The following DYNC2H1 variants were observed in gnomAD, a reference collection of about 807,000 sequenced individuals.
DYNC2H1 encodes cytoplasmic dynein 2 heavy chain 1.
Under a neutral mutation model 570.0 loss-of-function variants are expected in DYNC2H1, and 410 were observed. That is an observed-to-expected ratio of 0.72 (90% CI 0.66 to 0.78). DYNC2H1 has a LOEUF of 0.78. DYNC2H1 is among the 30% of genes least tolerant of loss of function. The pLI, the probability that DYNC2H1 is intolerant of heterozygous loss-of-function variation, is 0.00. For missense variants in DYNC2H1, 4,865 were observed against 5,046.4 expected (o/e 0.96, Z 1.09); for synonymous variants, 1,688 against 1,677.6 (o/e 1.01, Z -0.15).
chr11:103,112,659 A>T (rs1331988719), intron 1 of DYNC2H1, among the ~76,000 whole-genome samples: 1 of 152,202 alleles, frequency 6.6e-6, no homozygotes, highest in African/African-American at 2.4e-5. Flanking sequence ...GCTCCTTTCC[A>T]GTGGCCAAAA....
intron 84 of DYNC2H1, among the ~76,000 whole-genome samples, chr11:103,415,114 T>C (rs1943234405): frequency 6.6e-6 from 1 of 152,200 alleles, no homozygotes; most frequent in African/African-American, 2.4e-5. Context: ...GCTAGCCATA[T>C]GTAGAAAGCT....
intron 83 of DYNC2H1, among the ~76,000 whole-genome samples, chr11:103,399,054 C>A (rs1436183628): frequency 6.6e-6 from 1 of 151,530 alleles, no homozygotes; most frequent in Non-Finnish European, 1.5e-5. Flanking sequence ...TTACGGGATG[C>A]CATTTTTTCT....
At chr11:103,293,827 A>G (rs903021282) in intron 75 of DYNC2H1, among the ~76,000 whole-genome samples, 1 of 152,204 alleles carries the variant, frequency 6.6e-6, no homozygotes, top group East Asian at 1.9e-4. Flanking sequence ...CTGTAATCTC[A>G]GCACTTTGGG....
intron 83 of DYNC2H1, among the ~76,000 whole-genome samples, chr11:103,364,602 T>G (rs554371462): frequency 3.0e-4 from 45 of 147,678 alleles, no homozygotes; most frequent in Non-Finnish European, 5.5e-4. Flanking sequence ...TCTTGTTGTT[T>G]TTTTTTTTTT....
chr11:103,460,117 T>G (rs1944961365), intron 87 of DYNC2H1, among the ~76,000 whole-genome samples: 1 of 152,054 alleles, frequency 6.6e-6, no homozygotes, highest in African/African-American at 2.4e-5. Context: ...GCTTCTTGAG[T>G]AGCTGGGATT....
chr11:103,385,973 A>G (rs969280926), intron 83 of DYNC2H1, among the ~76,000 whole-genome samples: 3 of 152,192 alleles, frequency 2.0e-5, no homozygotes, highest in African/African-American at 7.2e-5. Flanking sequence ...ACACTTAGTT[A>G]CTATGAGAGA....
Position 103,187,462 on chromosome 11 carries a change from G to A in DYNC2H1, c.7016G>A (p.Ser2339Asn). ...CTGAGCCAGACTTGCATGGTAATCA[G>A]TACTAATACTGGTCGTGTATACAGA... Reference protein sequence around the residue: ...QKLSQTCMVISTNTGRVYRPK... With the variant: ...QKLSQTCMVINTNTGRVYRPK... Residue 2339 changes from serine (S) to asparagine (N), a missense_variant, in exon 43 of 89, where the codon AGT becomes AAT. Transcript: ENST00000375735. 1 of 1,613,348 alleles carries A rather than the reference G, an allele frequency of 6.2e-7. No individual in the cohort carries two copies. Among genetic ancestry groups the A allele is most frequent in the Non-Finnish European group, 8.5e-7 (1 of 1,179,490 alleles).
At chr11:103,233,309 T>G (rs1055018372) in intron 60 of DYNC2H1, among the ~76,000 whole-genome samples, 10 of 149,104 alleles carry the variant, frequency 6.7e-5, no homozygotes, top group African/African-American at 2.2e-4. Context: ...TTTTTTTTGA[T>G]GCTTGGCACC....
chr11:103,235,767 G>A lies in DYNC2H1; in HGVS notation c.9663G>A (p.Leu3221=). The A allele has an allele frequency of 6.2e-7, 1 of 1,611,800 alleles. No homozygotes were observed. Among genetic ancestry groups the A allele is most frequent in the Non-Finnish European group, 8.5e-7 (1 of 1,178,566 alleles). The change falls in exon 62 of 89, where the codon CTG becomes CTA. Residue 3221 remains leucine (L), a synonymous_variant. Coordinates refer to ENST00000375735, the MANE Select transcript of DYNC2H1 (RefSeq NM_001377.3). ...ITYLSAAPES[L]RKTCLEEWTK... is the part of the protein sequence containing the mutation. ...ATCTTTCTGCTGCTCCTGAATCTCTGAGAAAAACCTGTTTGGAAGAATGGA... is the reference window on the plus strand; with the variant it reads ...ATCTTTCTGCTGCTCCTGAATCTCTAAGAAAAACCTGTTTGGAAGAATGGA...
chr11:103,194,850 T>C (rs1359512672), intron 47 of DYNC2H1, among the ~76,000 whole-genome samples: 1 of 152,172 alleles, frequency 6.6e-6, no homozygotes, highest in Non-Finnish European at 1.5e-5. Context: ...CCCGAGTAGC[T>C]GGGATTACAG....
At chr11:103,124,115 C>T (rs1000008609) in intron 11 of DYNC2H1, among the ~76,000 whole-genome samples, 2 of 152,028 alleles carry the variant, frequency 1.3e-5, no homozygotes, top group Non-Finnish European at 2.9e-5. Flanking sequence ...AAGTTACCTT[C>T]TAATACCTGC....
chr11:103,361,525 A>G (rs924054717), intron 83 of DYNC2H1, among the ~76,000 whole-genome samples: 4 of 152,216 alleles, frequency 2.6e-5, no homozygotes, highest in African/African-American at 9.6e-5. Flanking sequence ...GCAATGGGAA[A>G]CCATGGAAGT....
chr11:103,313,659 C>T (rs1027215522), intron 79 of DYNC2H1, among the ~76,000 whole-genome samples: 3 of 152,150 alleles, frequency 2.0e-5, no homozygotes, highest in Non-Finnish European at 4.4e-5. Context: ...CCCCCAAAAG[C>T]GTCAGTTGCC....
chr11:103,231,253 AT>A lies in DYNC2H1; in HGVS notation c.9354-3del. On this transcript the variant is annotated splice_polypyrimidine_tract_variant and splice_region_variant and intron_variant, in intron 59 of 88. Coordinates refer to ENST00000375735, the MANE Select transcript of DYNC2H1 (RefSeq NM_001377.3). Reference sequence around the variant, plus strand: ...AATGACTTGTATAATATTGAGTTATATTTTAGGAATCTGAAGAAAACTGAAG... The same window carrying A: ...AATGACTTGTATAATATTGAGTTATATTTAGGAATCTGAAGAAAACTGAAG... 6.4e-7 allele frequency: 1 copy of A among 1,569,314 alleles called. No individual in the cohort carries two copies. The highest frequency in any genetic ancestry group is 1.7e-4 in the Middle Eastern group (1 of 5,824).
At chr11:103,357,037 T>C (rs1016210094) in intron 82 of DYNC2H1, among the ~76,000 whole-genome samples, 2 of 152,114 alleles carry the variant, frequency 1.3e-5, no homozygotes, top group African/African-American at 2.4e-5. Context: ...AGACAAACAG[T>C]GAGATAGCAC....
At chr11:103,183,289 C>T (rs1407688538) in intron 40 of DYNC2H1, among the ~76,000 whole-genome samples, 2 of 151,806 alleles carry the variant, frequency 1.3e-5, no homozygotes, top group Non-Finnish European at 2.9e-5. Context: ...AATGCAGATA[C>T]TTTGAGGTAA....
chr11:103,136,036 C>A lies in DYNC2H1; in HGVS notation c.2574+88C>A, dbSNP rs570428688. ...ATTAAATGTATACATTAATAGTTTA[C>A]CTTGTGTGGCATAACATTAAAATAT... On this transcript the variant is annotated intron_variant, in intron 17 of 88. Coordinates refer to ENST00000375735, the MANE Select transcript of DYNC2H1 (RefSeq NM_001377.3). The A allele has an allele frequency of 5.3e-4, 584 of 1,091,812 alleles. 1 individual carries two copies. In the Middle Eastern group the frequency reaches 9.0e-3, roughly 17 times the overall value. The allele number at this position is 1,091,812 out of a possible 1,614,324, so 67.6% of individuals were successfully genotyped here.
chr11:103,393,851 G>T (rs1339531210), intron 83 of DYNC2H1, among the ~76,000 whole-genome samples: 2 of 152,180 alleles, frequency 1.3e-5, no homozygotes, highest in Admixed American at 1.3e-4. Flanking sequence ...GTGGATGCGG[G>T]CAGGCAAAGA....
At chr11:103,321,384 C>A in intron 81 of DYNC2H1, 147 bp downstream of exon 81, 1 of 941,656 alleles carries the variant, frequency 1.1e-6, no homozygotes, top group Non-Finnish European at 1.6e-6. Context: ...TGGCTTGATT[C>A]TTTCAACTTT....
Sources: allele counts gnomAD v4.1 joint callset (sites outside exome capture counted in the v4.1 genomes callset), GRCh38; gene constraint gnomAD v4.1.1; transcripts MANE v1.5; gene names NCBI Gene and HGNC (gene_info 2026-07-23, HGNC 2026-07-21).